BTG3: variants seen among roughly 807,000 people sequenced by gnomAD.
The protein encoded by BTG3 is protein BTG3.
BTG3 carries 4 observed loss-of-function variants against 25.8 expected under a neutral mutation model. The ratio of observed to expected loss-of-function variants is 0.16; its 90% CI spans 0.08 to 0.36. BTG3 has a LOEUF of 0.36. Among genes scored for constraint, BTG3 ranks in the 10% least tolerant of loss-of-function variants. The probability of loss-of-function intolerance (pLI) is 1.00; values close to 1 mark genes in which losing one functional copy is unlikely to be tolerated. For missense variants in BTG3, 201 were observed against 304.9 expected, an observed-to-expected ratio of 0.66 and a Z score of 2.54; for synonymous variants, 107 against 99.9, an observed-to-expected ratio of 1.07 and a Z score of -0.42.
chr21:17,598,412 T>C (rs1324030728), intron 4 of BTG3, among the ~76,000 whole-genome samples: 2 of 152,210 alleles, frequency 1.3e-5, no homozygotes, highest in African/African-American at 4.8e-5. Flanking sequence ...TCCTAGTTAT[T>C]GTATAGTGAA....
chr21:17,598,828 A>C lies in BTG3; in HGVS notation c.312-4T>G. 6.2e-7 allele frequency: 1 copy of C among 1,602,372 alleles called. No homozygotes were observed. Among genetic ancestry groups the C allele is most frequent in the Non-Finnish European group, 8.5e-7 (1 of 1,176,640 alleles). ...TGCATTGTTTTTCTCTCCATACCTAAGAATAAAATTAAAAACTTACAAATC... is the reference window on the plus strand; with the variant it reads ...TGCATTGTTTTTCTCTCCATACCTACGAATAAAATTAAAAACTTACAAATC... On this transcript the variant is annotated splice_region_variant and splice_polypyrimidine_tract_variant and intron_variant, in intron 3 of 4. Coordinates refer to ENST00000348354, the MANE Select transcript of BTG3 (RefSeq NM_006806.5).
At chr21:17,597,413 G>T (rs1482014546) in intron 4 of BTG3, among the ~76,000 whole-genome samples, 1 of 151,620 alleles carries the variant, frequency 6.6e-6, no homozygotes, top group Non-Finnish European at 1.5e-5. Flanking sequence ...AATATTTATG[G>T]CAAGGTTTTT....
In BTG3 at chr21:17,598,623, C is replaced by T. The variant is rs1320172192; in HGVS notation, c.513G>A (p.Val171=). 6.2e-7 allele frequency: 1 copy of T among 1,613,762 alleles called. No individual in the cohort carries two copies. The highest frequency in any genetic ancestry group is 8.5e-7 in the Non-Finnish European group (1 of 1,179,764). The change falls in exon 4 of 5, where the codon GTG becomes GTA. Residue 171 remains valine (V), a synonymous_variant. Coordinates refer to ENST00000348354, the MANE Select transcript of BTG3 (RefSeq NM_006806.5). ...PSSVTAAASP[V]YQISELIFPP... is the part of the protein sequence containing the mutation. Reference sequence around the variant, plus strand: ...GAGCTGTTTTCATGGTTACCTGGTACACAGGACTTGCGGCTGCAGTCACCG... The same window carrying T: ...GAGCTGTTTTCATGGTTACCTGGTATACAGGACTTGCGGCTGCAGTCACCG...
chr21:17,609,434 G>A (rs2061688722), intron 1 of BTG3, among the ~76,000 whole-genome samples: 1 of 152,134 alleles, frequency 6.6e-6, no homozygotes, highest in Admixed American at 6.5e-5. Context: ...ACACCTATCA[G>A]TAAAAGAGAA....
At chr21:17,597,860 T>G (rs1436183501) in intron 4 of BTG3, among the ~76,000 whole-genome samples, 1 of 152,150 alleles carries the variant, frequency 6.6e-6, no homozygotes, top group African/African-American at 2.4e-5. Flanking sequence ...TAGGTCTAAA[T>G]TTTCATTTTC....
rs369709262 is a variant in BTG3, at chr21:17,604,224, C to T, written c.311+636G>A. The T allele has an allele frequency of 1.4e-4, 98 of 700,384 alleles. 1 individual carries two copies. In the East Asian group the frequency reaches 4.3e-3, roughly 31 times the overall value. The allele number at this position is 700,384 out of a possible 1,614,324, so 43.4% of individuals were successfully genotyped here. On this transcript the variant is annotated intron_variant, in intron 3 of 4. Transcript: ENST00000348354. ...TTGGGAGGCCAAGGCGGGCGGATCA[C>T]GAGGTCAGGAGTTTGAGAGCAGTCT...
rs552709120 is a variant in BTG3, at chr21:17,604,449, A to C, written c.311+411T>G. On this transcript the variant is annotated intron_variant, in intron 3 of 4. Coordinates refer to ENST00000348354, the MANE Select transcript of BTG3 (RefSeq NM_006806.5). ...AACAAGAGTGAAACTCCGTCCCAAA[A>C]AAAAAGAGGAGAGAGGGAGAATAAA... Among the ~76,000 whole-genome samples, 12 of 152,348 alleles carry C rather than the reference A, an allele frequency of 7.9e-5. No homozygotes were observed. In the East Asian group the frequency reaches 2.3e-3, roughly 29 times the overall value.
intron 3 of BTG3, among the ~76,000 whole-genome samples, chr21:17,603,031 T>C (rs2061593772): frequency 6.6e-6 from 1 of 152,194 alleles, no homozygotes; most frequent in Non-Finnish European, 1.5e-5. Context: ...CATTTTTTGG[T>C]AGCGTCTGAC....
At chr21:17,604,828 C>T (rs1271458712) in intron 3 of BTG3, 32 bp downstream of exon 3, 2 of 1,598,664 alleles carry the variant, frequency 1.3e-6, no homozygotes, top group Non-Finnish European at 1.7e-6. Flanking sequence ...CCAGCATGGT[C>T]ATCAGTTCAG....
intron 4 of BTG3, among the ~76,000 whole-genome samples, chr21:17,597,602 AG>A (rs368885707): frequency 1.1e-4 from 16 of 152,054 alleles, no homozygotes; most frequent in African/African-American, 3.6e-4. Context: ...TACTGTTTGA[AG>A]TTTCATAAAG....
chr21:17,599,636 C>A (rs545897285), intron 3 of BTG3, among the ~76,000 whole-genome samples: 1 of 152,062 alleles, frequency 6.6e-6, no homozygotes, highest in African/African-American at 2.4e-5. Flanking sequence ...CCCACCACCA[C>A]GCCCAGCTAA....
intron 4 of BTG3, among the ~76,000 whole-genome samples, chr21:17,596,260 C>T (rs1428873959): frequency 6.6e-6 from 1 of 151,930 alleles, no homozygotes; most frequent in East Asian, 1.9e-4. Flanking sequence ...TTAATGGTTT[C>T]TTTGATGAAC....
intron 3 of BTG3, among the ~76,000 whole-genome samples, chr21:17,600,967 G>T (rs747011421): frequency 3.9e-5 from 6 of 152,274 alleles, no homozygotes; most frequent in Admixed American, 1.3e-4. Context: ...TTCGAGGCCA[G>T]CCTGGCCAAC....
intron 3 of BTG3, among the ~76,000 whole-genome samples, chr21:17,601,606 A>G (rs960758263): frequency 1.3e-5 from 2 of 152,240 alleles, no homozygotes; most frequent in Non-Finnish European, 2.9e-5. Context: ...TCTAATTTCA[A>G]GTTTACTTAG....
At chr21:17,603,597 T>C (rs2061600806) in intron 3 of BTG3, among the ~76,000 whole-genome samples, 1 of 152,156 alleles carries the variant, frequency 6.6e-6, no homozygotes, top group African/African-American at 2.4e-5. Flanking sequence ...AAAAGCAACT[T>C]TACTACAATC....
chr21:17,612,168 T>C, intron 1 of BTG3: 1 of 152,464 alleles, frequency 6.6e-6, no homozygotes, highest in Non-Finnish European at 1.5e-5. Flanking sequence ...CAATCCCGGT[T>C]TTCCCCAAGT....
chr21:17,599,157 T>C (rs974135034), intron 3 of BTG3: 5 of 222,332 alleles, frequency 2.2e-5, no homozygotes, highest in Middle Eastern at 3.5e-3. Context: ...ATGAAATTGG[T>C]TGTACAATAA....
chr21:17,594,580 T>C (rs2061479922), intron 4 of BTG3, among the ~76,000 whole-genome samples: 1 of 152,008 alleles, frequency 6.6e-6, no homozygotes, highest in African/African-American at 2.4e-5. Context: ...CCTAAACAAC[T>C]TCAACCAAAA....
At chr21:17,606,941 T>C (rs966436608) in intron 2 of BTG3, among the ~76,000 whole-genome samples, 1 of 152,178 alleles carries the variant, frequency 6.6e-6, no homozygotes, top group African/African-American at 2.4e-5. Context: ...TATTGCCAAA[T>C]TGCTCTCTAC....
Sources: allele counts gnomAD v4.1 joint callset (sites outside exome capture counted in the v4.1 genomes callset), GRCh38; gene constraint gnomAD v4.1.1; transcripts MANE v1.5; gene names NCBI Gene and HGNC (gene_info 2026-07-23, HGNC 2026-07-21).